Variants in TSTD2 observed in about 807,000 individuals in gnomAD.
TSTD2 encodes the protein thiosulfate sulfurtransferase/rhodanese-like domain-containing protein 2.
TSTD2 carries 37 observed loss-of-function variants against 47.9 expected under a neutral mutation model. The observed-to-expected ratio is 0.77, with a 90% CI of 0.59 to 1.02. The LOEUF (loss-of-function observed/expected upper bound fraction) is 1.02, where lower values mean the gene tolerates loss of function less well. TSTD2 is among the 50% of genes least tolerant of loss of function. The pLI is 0.00. For synonymous variants in TSTD2, 201 were observed against 215.9 expected (o/e 0.93, Z 0.61); for missense variants, 586 against 616.0 (o/e 0.95, Z 0.52).
intron 4 of TSTD2, among the ~76,000 whole-genome samples, chr9:97,616,500 AAG>A (rs1370994160): frequency 1.3e-5 from 2 of 152,162 alleles, no homozygotes; most frequent in African/African-American, 4.8e-5. Context: ...TGGACTGGGT[AAG>A]AGAGGGTGGT....
chr9:97,612,864 G>A (rs543330078), intron 4 of TSTD2, among the ~76,000 whole-genome samples: 4 of 152,292 alleles, frequency 2.6e-5, no homozygotes, highest in Non-Finnish European at 4.4e-5. Flanking sequence ...CTGGATACTT[G>A]TATTTTTCTA....
chr9:97,604,958 G>A (rs143114341), intron 8 of TSTD2, 93 bp from the exon 9 acceptor site: 18 of 1,533,512 alleles, frequency 1.2e-5, no homozygotes, highest in South Asian at 5.2e-5. Flanking sequence ...GAGTGCTGAC[G>A]TAGAGGACTC....
chr9:97,605,592 A>G lies in TSTD2; in HGVS notation c.1004T>C (p.Phe335Ser). 1 of 1,614,232 alleles carries G rather than the reference A, an allele frequency of 6.2e-7. No individual in the cohort carries two copies. The highest frequency in any genetic ancestry group is 1.3e-5 in the African/African-American group (1 of 75,062). ...LAPDIRKFSY[F>S]PSYVDKNLEL... ...TAGATTTTTGTCAACGTAGCTAGGG[A>G]AGTAACTGAATTTCCTGATGTCTGG... Residue 335 changes from phenylalanine (F) to serine (S), a missense_variant, in exon 8 of 10, where the codon TTC becomes TCC. Physicochemically the swap from Phe to Ser is radical, Grantham distance 155. Transcript: ENST00000341170.
At chr9:97,628,225 G>A (rs1177453369) in intron 1 of TSTD2, among the ~76,000 whole-genome samples, 1 of 152,190 alleles carries the variant, frequency 6.6e-6, no homozygotes. Context: ...CAGAAGAAAT[G>A]TCAAAATCGC....
At chr9:97,622,039 T>C (rs1826646998) in intron 3 of TSTD2, among the ~76,000 whole-genome samples, 1 of 152,044 alleles carries the variant, frequency 6.6e-6, no homozygotes, top group Non-Finnish European at 1.5e-5. Flanking sequence ...TTTTGTACTC[T>C]TTCTCTTTAT....
chr9:97,611,741 G>A (rs1185139762), intron 4 of TSTD2, 42 bp from the exon 5 acceptor site: 17 of 1,574,290 alleles, frequency 1.1e-5, no homozygotes, highest in Non-Finnish European at 1.4e-5. Context: ...ATTGTTCTTA[G>A]CTTGGTTATC....
chr9:97,619,806 C>T (rs553816440), intron 3 of TSTD2, among the ~76,000 whole-genome samples: 161 of 152,240 alleles, frequency 1.1e-3, no homozygotes, highest in African/African-American at 3.7e-3. Context: ...AAAAGTTATA[C>T]GCAAATTTTC....
Position 97,600,731 on chromosome 9 carries a change from A to G in TSTD2, c.*1738T>C, listed in dbSNP as rs1265351591. 12 of 1,007,568 alleles carry G rather than the reference A, an allele frequency of 1.2e-5. No individual in the cohort carries two copies. Among genetic ancestry groups the G allele is most frequent in the Non-Finnish European group, 1.3e-5 (11 of 843,374 alleles). The allele number at this position is 1,007,568 out of a possible 1,614,324, so 62.4% of individuals were successfully genotyped here. A position where few individuals can be genotyped will look rare whatever the true frequency, so the allele number is the denominator to read the frequency against. On this transcript the variant is annotated 3_prime_UTR_variant, in exon 10 of 10. Coordinates refer to ENST00000341170, the MANE Select transcript of TSTD2 (RefSeq NM_139246.5). Reference sequence around the variant, plus strand: ...CCGGACAATGGTGAAGAAACTCCAGATATCAAGGAATTGGGAAATCCTGGC... The same window carrying G: ...CCGGACAATGGTGAAGAAACTCCAGGTATCAAGGAATTGGGAAATCCTGGC...
At position 97,625,700 on chromosome 9, in the gene TSTD2, T is replaced by C. The variant is rs1292272439; in HGVS notation, c.463A>G (p.Asn155Asp). ...TCTTACCTTATCAGCTCATCAGGGT[T>C]AAAGCAGCTTATATCAGGGAGCCAA... ...SAWLPDISCF[N>D]PDELISGQGS... The change falls in exon 3 of 10, where the codon AAC becomes GAC. Residue 155 changes from asparagine (N) to aspartate (D), a missense_variant. Coordinates refer to ENST00000341170, the MANE Select transcript of TSTD2 (RefSeq NM_139246.5). 1 of 1,612,916 alleles carries C rather than the reference T, an allele frequency of 6.2e-7. No individual in the cohort carries two copies. Among genetic ancestry groups the C allele is most frequent in the Non-Finnish European group, 8.5e-7 (1 of 1,179,422 alleles).
chr9:97,617,386 A>G (rs1350321410), intron 4 of TSTD2, among the ~76,000 whole-genome samples: 1 of 152,230 alleles, frequency 6.6e-6, no homozygotes, highest in African/African-American at 2.4e-5. Flanking sequence ...TCCCTATACC[A>G]GGGTCGGCAT....
Position 97,604,815 on chromosome 9 carries a change from C to T in TSTD2, c.1164G>A (p.Leu388=). 3 of 1,614,224 alleles carry T rather than the reference C, an allele frequency of 1.9e-6. No individual in the cohort carries two copies. In the South Asian group the frequency reaches 3.3e-5, roughly 18 times the overall value. The change falls in exon 9 of 10, where the codon CTG becomes CTA. Residue 388 remains leucine (L), a synonymous_variant. Coordinates refer to ENST00000341170, the MANE Select transcript of TSTD2 (RefSeq NM_139246.5). ...FQLKGGIHKY[L]EEFPDGFYKG... is the part of the protein sequence containing the mutation. ...TGTAAAAGCCATCAGGAAACTCTTC[C>T]AGGTACTTGTGGATGCCACCCTTGA...
In TSTD2 at chr9:97,617,862, T is replaced by C; in HGVS notation, c.498A>G (p.Glu166=). 1 of 1,613,836 alleles carries C rather than the reference T, an allele frequency of 6.2e-7. No individual in the cohort carries two copies. Among genetic ancestry groups the C allele is most frequent in the African/African-American group, 1.3e-5 (1 of 75,044 alleles). ...AGTAATAAAGGAGCACCTCCCCTTC[T>C]TCACTGCCCTGGCCACTATAAAATG... ...PDELISGQGS[E]EGEVLLYYCY... Residue 166 remains glutamate, a synonymous_variant, in exon 4 of 10, where the codon GAA becomes GAG. Coordinates refer to ENST00000341170, the MANE Select transcript of TSTD2 (RefSeq NM_139246.5).
intron 3 of TSTD2, among the ~76,000 whole-genome samples, chr9:97,624,742 A>G (rs1826693455): frequency 6.8e-6 from 1 of 147,144 alleles, no homozygotes. Flanking sequence ...AAGACTCCAG[A>G]AAAAAAAAAA....
intron 4 of TSTD2, among the ~76,000 whole-genome samples, chr9:97,612,011 TTCCACCC>T (rs1002309393): frequency 6.6e-6 from 1 of 152,172 alleles, no homozygotes; most frequent in Non-Finnish European, 1.5e-5. Context: ...CTCTCCCTCC[TTCCACCC>T]TCCACCCTCC....
intron 4 of TSTD2, 97 bp downstream of exon 4, chr9:97,617,660 A>C: frequency 1.4e-6 from 2 of 1,434,734 alleles, no homozygotes; most frequent in East Asian, 2.4e-5. Flanking sequence ...TAAGAACTCA[A>C]CAGTGAATCT....
At chr9:97,609,743 C>A (rs1033754929) in intron 6 of TSTD2, among the ~76,000 whole-genome samples, 1 of 152,130 alleles carries the variant, frequency 6.6e-6, no homozygotes. Context: ...TCAAAATAAT[C>A]CAAGATGGGA....
intron 9 of TSTD2, 103 bp from the exon 10 acceptor site, chr9:97,602,870 C>G: frequency 8.1e-7 from 1 of 1,239,924 alleles, no homozygotes; most frequent in Non-Finnish European, 1.1e-6. Flanking sequence ...TCCTGTGGAA[C>G]CCGGGGAAGG....
intron 3 of TSTD2, among the ~76,000 whole-genome samples, chr9:97,625,414 G>GT (rs1445555660): frequency 6.6e-6 from 1 of 152,146 alleles, no homozygotes; most frequent in African/African-American, 2.4e-5. Context: ...CTGTGGATAT[G>GT]TTTTTATTGC....
intron 3 of TSTD2, among the ~76,000 whole-genome samples, chr9:97,623,907 G>A (rs1387678413): frequency 6.6e-6 from 1 of 152,076 alleles, no homozygotes; most frequent in East Asian, 1.9e-4. Context: ...CTGGGTATAT[G>A]CTGCTGCACA....
Sources: allele counts gnomAD v4.1 joint callset (sites outside exome capture counted in the v4.1 genomes callset), GRCh38; gene constraint gnomAD v4.1.1; transcripts MANE v1.5; gene names NCBI Gene and HGNC (gene_info 2026-07-23, HGNC 2026-07-21).